The following CYP2J2 variants were observed in gnomAD, a reference collection of about 807,000 sequenced individuals.
CYP2J2 encodes cytochrome P450 family 2 subfamily J member 2, also known as cytochrome P450 2J2.
Under a neutral mutation model 48.8 loss-of-function variants are expected in CYP2J2, and 41 were observed. The ratio of observed to expected loss-of-function variants is 0.84; its 90% CI spans 0.66 to 1.09. CYP2J2 has a LOEUF of 1.09. Among genes scored for constraint, CYP2J2 ranks in the 50% least tolerant of loss-of-function variants. The pLI, the probability that CYP2J2 is intolerant of heterozygous loss-of-function variation, is 0.00. For missense variants in CYP2J2, 644 were observed against 617.3 expected (o/e 1.04, Z -0.46); for synonymous variants, 221 against 227.1 (o/e 0.97, Z 0.24).
chr1:59,956,895 G>A, the CYP2J2 span, among the ~76,000 whole-genome samples: 11,496 of 152,104 alleles, frequency 0.076, 465 homozygotes, highest in African/African-American at 0.11. Flanking sequence ...TGTAGCTTCT[G>A]CTTATCTTAG....
intron 4 of CYP2J2, among the ~76,000 whole-genome samples, chr1:59,911,276 C>T (rs547158604): frequency 1.3e-5 from 2 of 152,096 alleles, no homozygotes; most frequent in East Asian, 3.9e-4. Flanking sequence ...GGGAAATGGA[C>T]GAGTTGGGGA....
the CYP2J2 span, among the ~76,000 whole-genome samples, chr1:59,932,855 T>C: frequency 3.9e-5 from 6 of 152,026 alleles, no homozygotes; most frequent in African/African-American, 1.4e-4. Context: ...CACATGGCAT[T>C]ATGCTTGGCT....
the CYP2J2 span, among the ~76,000 whole-genome samples, chr1:59,944,279 A>T: frequency 6.6e-6 from 1 of 152,182 alleles, no homozygotes; most frequent in African/African-American, 2.4e-5. Flanking sequence ...CTGGAATACA[A>T]TGGTGTGATC....
At chr1:59,948,998 G>C in the CYP2J2 span, among the ~76,000 whole-genome samples, 1 of 151,838 alleles carries the variant, frequency 6.6e-6, no homozygotes, top group Non-Finnish European at 1.5e-5. Flanking sequence ...GCCTGTGAAT[G>C]GTCACTGCAC....
At chr1:59,964,366 C>T in the CYP2J2 span, among the ~76,000 whole-genome samples, 1 of 152,212 alleles carries the variant, frequency 6.6e-6, no homozygotes, top group African/African-American at 2.4e-5. Context: ...TCACCATCAT[C>T]ACTTTCTGCT....
intron 8 of CYP2J2, among the ~76,000 whole-genome samples, chr1:59,895,623 T>A (rs1644261893): frequency 6.6e-6 from 1 of 151,988 alleles, no homozygotes; most frequent in Non-Finnish European, 1.5e-5. Context: ...TTCTTGACCA[T>A]ATATATTTTT....
Position 59,907,833 on chromosome 1 carries a change from G to A in CYP2J2, c.956C>T (p.Thr319Ile). ...CATATAAAGCAGAGCCCATCGCAGA[G>A]TTGTGGAAGTTGTCTCGGTTCCGGC... ...FFAGTETTST[T>I]LRWALLYMAL... Residue 319 changes from threonine to isoleucine, a missense_variant, in exon 6 of 9, where the codon ACT (threonine) becomes ATT (isoleucine). Transcript: ENST00000371204. 6.2e-7 allele frequency: 1 copy of A among 1,614,126 alleles called. No homozygotes were observed. The highest frequency in any genetic ancestry group is 8.5e-7 in the Non-Finnish European group (1 of 1,179,992).
chr1:59,897,154 C>T (rs1254831422), intron 8 of CYP2J2, among the ~76,000 whole-genome samples: 1 of 152,142 alleles, frequency 6.6e-6, no homozygotes, highest in African/African-American at 2.4e-5. Flanking sequence ...GTTCCCCTCA[C>T]CTTTATCTCT....
At chr1:59,953,044 C>T in the CYP2J2 span, among the ~76,000 whole-genome samples, 6 of 152,050 alleles carry the variant, frequency 3.9e-5, no homozygotes, top group Admixed American at 2.0e-4. Flanking sequence ...TAGAGAAAAC[C>T]TAGGAAGGTC....
chr1:59,926,499 A>G (rs1428016258), intron 1 of CYP2J2, 38 bp downstream of exon 1: 2 of 1,553,086 alleles, frequency 1.3e-6, no homozygotes, highest in Admixed American at 3.3e-5. Flanking sequence ...GAACAGAGTT[A>G]GGGTCAGGAC....
Position 59,915,867 on chromosome 1 carries a change from C to T in CYP2J2, c.373+71G>A, listed in dbSNP as rs1644459989. ...TAGGAGTGTTGGAAAATTACAGTCA[C>T]CAAGGTGCCTTTAACAGATTATAGG... On this transcript the variant is annotated intron_variant, in intron 2 of 8. Coordinates refer to ENST00000371204, the MANE Select transcript of CYP2J2 (RefSeq NM_000775.4). The T allele has an allele frequency of 2.1e-6, 3 of 1,431,556 alleles. No homozygotes were observed. The Admixed American group carries it at 6.8e-5, about 32-fold the overall frequency. The allele number at this position is 1,431,556 out of a possible 1,614,324, so 88.7% of individuals were successfully genotyped here. A position where few individuals can be genotyped will look rare whatever the true frequency, so the allele number is the denominator to read the frequency against.
chr1:59,953,146 A>T, the CYP2J2 span, among the ~76,000 whole-genome samples: 1 of 152,200 alleles, frequency 6.6e-6, no homozygotes, highest in East Asian at 1.9e-4. Flanking sequence ...AGGTCAAACC[A>T]CTTATGACAA....
At chr1:59,912,350 C>T in intron 2 of CYP2J2, 39 bp from the exon 3 acceptor site, 1 of 1,577,622 alleles carries the variant, frequency 6.3e-7, no homozygotes, top group Admixed American at 1.8e-5. Context: ...ATTCTGATTC[C>T]ATAATATGAA....
intron 1 of CYP2J2, 120 bp downstream of exon 1, chr1:59,926,417 G>A (rs1644564503): frequency 3.7e-6 from 3 of 808,006 alleles, no homozygotes; most frequent in Non-Finnish European, 6.3e-6. Flanking sequence ...CAGGTTACCA[G>A]CGTTAGCCAC....
At chr1:59,963,347 T>A in the CYP2J2 span, among the ~76,000 whole-genome samples, 1 of 152,216 alleles carries the variant, frequency 6.6e-6, no homozygotes, top group Non-Finnish European at 1.5e-5. Flanking sequence ...AAGCCATAAC[T>A]CCTTCATCTC....
the CYP2J2 span, among the ~76,000 whole-genome samples, chr1:59,932,920 C>G: frequency 6.6e-6 from 1 of 151,982 alleles, no homozygotes; most frequent in Non-Finnish European, 1.5e-5. Flanking sequence ...CAGCTGGTCT[C>G]GAAGTCCTGA....
At chr1:59,935,788 T>C in the CYP2J2 span, among the ~76,000 whole-genome samples, 1 of 152,202 alleles carries the variant, frequency 6.6e-6, no homozygotes, top group Non-Finnish European at 1.5e-5. Context: ...TTACTTCTTC[T>C]ATGTGATGGA....
At chr1:59,955,959 G>T in the CYP2J2 span, among the ~76,000 whole-genome samples, 9 of 152,020 alleles carry the variant, frequency 5.9e-5, no homozygotes, top group Non-Finnish European at 1.2e-4. Flanking sequence ...TGAGGGTAAA[G>T]TTGCACACAT....
chr1:59,947,318 A>G, the CYP2J2 span, among the ~76,000 whole-genome samples: 1 of 152,208 alleles, frequency 6.6e-6, no homozygotes, highest in East Asian at 1.9e-4. Flanking sequence ...ATAGATTAGT[A>G]TTTGACCTGG....
Sources: allele counts gnomAD v4.1 joint callset (sites outside exome capture counted in the v4.1 genomes callset), GRCh38; gene constraint gnomAD v4.1.1; transcripts MANE v1.5; gene names NCBI Gene and HGNC (gene_info 2026-07-23, HGNC 2026-07-21).